The following SNX13 variants were observed in gnomAD, a reference collection of about 807,000 sequenced individuals.
The protein encoded by SNX13 is sorting nexin 13, also known as sorting nexin-13.
In SNX13, 45 loss-of-function variants were observed where a neutral mutation model predicts 133.6. That is an observed-to-expected ratio of 0.34 (90% CI 0.27 to 0.43). The LOEUF is 0.43. SNX13 is among the 20% of genes least tolerant of loss of function. The pLI is 1.00. For synonymous variants in SNX13, 414 were observed against 373.9 expected, an observed-to-expected ratio of 1.11 and a Z score of -1.24; for missense variants, 1,032 against 1,145.1, an observed-to-expected ratio of 0.90 and a Z score of 1.43.
chr7:17,917,217 G>A (rs1029767913), intron 1 of SNX13, among the ~76,000 whole-genome samples: 10 of 152,074 alleles, frequency 6.6e-5, no homozygotes, highest in African/African-American at 2.4e-5. Context: ...CATCATAAAT[G>A]GGCAAAAGCT....
intron 22 of SNX13, among the ~76,000 whole-genome samples, chr7:17,799,934 C>A (rs1180571237): frequency 6.6e-6 from 1 of 151,776 alleles, no homozygotes; most frequent in Non-Finnish European, 1.5e-5. Context: ...CTCATCAACA[C>A]TGTAATTTAA....
At chr7:17,932,384 C>G (rs1801478137) in intron 1 of SNX13, among the ~76,000 whole-genome samples, 1 of 152,118 alleles carries the variant, frequency 6.6e-6, no homozygotes. Context: ...CCACAATGTA[C>G]TTACTATATA....
At chr7:17,936,036 G>A (rs1801982952) in intron 1 of SNX13, among the ~76,000 whole-genome samples, 4 of 152,144 alleles carry the variant, frequency 2.6e-5, no homozygotes, top group Admixed American at 2.6e-4. Flanking sequence ...GGATGTTCAG[G>A]GAGCCTTTCT....
chr7:17,860,385 C>G (rs1284147795), intron 9 of SNX13, among the ~76,000 whole-genome samples: 1 of 152,086 alleles, frequency 6.6e-6, no homozygotes, highest in African/African-American at 2.4e-5. Context: ...GATGTTAATT[C>G]CTAATCGGAT....
At chr7:17,798,381 T>C (rs1784279944) in intron 24 of SNX13, among the ~76,000 whole-genome samples, 1 of 151,836 alleles carries the variant, frequency 6.6e-6, no homozygotes, top group Admixed American at 6.6e-5. Flanking sequence ...ACTAGATATT[T>C]GATGATACAA....
At chr7:17,919,422 ATGT>A (rs1375599818) in intron 1 of SNX13, among the ~76,000 whole-genome samples, 1 of 152,182 alleles carries the variant, frequency 6.6e-6, no homozygotes, top group Non-Finnish European at 1.5e-5. Flanking sequence ...AACATAACTA[ATGT>A]TGTCCTGAGT....
intron 19 of SNX13, 100 bp downstream of exon 19, chr7:17,816,082 A>T: frequency 1.5e-6 from 2 of 1,301,820 alleles, no homozygotes; most frequent in African/African-American, 3.0e-5. Flanking sequence ...CCCTGTGATT[A>T]CAGTAAAAAC....
intron 1 of SNX13, among the ~76,000 whole-genome samples, chr7:17,919,511 C>A (rs2714858): frequency 0.41 from 62,116 of 151,990 alleles, 13,149 homozygotes; most frequent in South Asian, 0.6. Flanking sequence ...TGTCACCTAC[C>A]ATAGCCAAAG....
At chr7:17,805,264 C>CGCGCAT (rs1272069293) in intron 20 of SNX13, among the ~76,000 whole-genome samples, 4 of 122,340 alleles carry the variant, frequency 3.3e-5, no homozygotes, top group African/African-American at 9.9e-5. Flanking sequence ...TGCGCGCGCG[C>CGCGCAT]GCATGCATGC....
chr7:17,921,919 G>A (rs1360028113), intron 1 of SNX13, among the ~76,000 whole-genome samples: 1 of 152,194 alleles, frequency 6.6e-6, no homozygotes, highest in African/African-American at 2.4e-5. Context: ...TAACATACAT[G>A]TGGATAATCC....
intron 15 of SNX13, among the ~76,000 whole-genome samples, chr7:17,833,132 G>C (rs1164363066): frequency 6.6e-6 from 1 of 151,568 alleles, no homozygotes; most frequent in East Asian, 1.9e-4. Flanking sequence ...GAACATACCA[G>C]AAAGATCATC....
intron 1 of SNX13, among the ~76,000 whole-genome samples, chr7:17,925,087 G>T (rs1283885732): frequency 6.6e-6 from 1 of 152,024 alleles, no homozygotes; most frequent in African/African-American, 2.4e-5. Flanking sequence ...CACGTGCCTG[G>T]AATTCCTGCT....
chr7:17,827,653 C>G (rs1433757082), intron 16 of SNX13, among the ~76,000 whole-genome samples: 1 of 151,824 alleles, frequency 6.6e-6, no homozygotes, highest in Non-Finnish European at 1.5e-5. Flanking sequence ...CTACCAATAC[C>G]TTAAGAGACT....
chr7:17,816,428 G>A (rs1168315908), intron 18 of SNX13, 139 bp from the exon 19 acceptor site: 17 of 996,112 alleles, frequency 1.7e-5, no homozygotes, highest in African/African-American at 1.5e-4. Flanking sequence ...TTGGGAGGCT[G>A]AGGCAGGCGG....
At chr7:17,900,749 C>T (rs1038359470) in intron 1 of SNX13, among the ~76,000 whole-genome samples, 17 of 152,104 alleles carry the variant, frequency 1.1e-4, no homozygotes, top group Non-Finnish European at 2.2e-4. Flanking sequence ...AGATGCTATA[C>T]AAGAGCCAAG....
At chr7:17,796,318 A>G (rs1447826154) in intron 25 of SNX13, 2 of 152,416 alleles carry the variant, frequency 1.3e-5, no homozygotes, top group African/African-American at 4.8e-5. Context: ...AAAGATTAAT[A>G]ATCAGCCAAT....
chr7:17,805,280 T>C (rs982852878), intron 20 of SNX13, among the ~76,000 whole-genome samples: 3 of 113,288 alleles, frequency 2.6e-5, no homozygotes, highest in Admixed American at 9.4e-5. Flanking sequence ...CATGCACATG[T>C]GTAATTCTAA....
At chr7:17,922,247 T>G (rs543530544) in intron 1 of SNX13, among the ~76,000 whole-genome samples, 1 of 152,320 alleles carries the variant, frequency 6.6e-6, no homozygotes, top group Admixed American at 6.5e-5. Context: ...GGGAGAATAC[T>G]CACAACAGGG....
chr7:17,805,259 G>GCGCGCGCGCA (rs1447678957), intron 20 of SNX13, among the ~76,000 whole-genome samples: 3 of 147,698 alleles, frequency 2.0e-5, no homozygotes, highest in Non-Finnish European at 3.0e-5. Flanking sequence ...GTGCGTGCGC[G>GCGCGCGCGCA]CGCGCGCATG....
Sources: allele counts gnomAD v4.1 joint callset (sites outside exome capture counted in the v4.1 genomes callset), GRCh38; gene constraint gnomAD v4.1.1; transcripts MANE v1.5; gene names NCBI Gene and HGNC (gene_info 2026-07-23, HGNC 2026-07-21).